USP25: variants seen among roughly 807,000 people sequenced by gnomAD.
USP25 encodes the protein ubiquitin carboxyl-terminal hydrolase 25.
In USP25, 85 loss-of-function variants were observed where a neutral mutation model predicts 158.5. That is an observed-to-expected ratio of 0.54 (90% CI 0.45 to 0.64). The LOEUF is 0.64. Among genes scored for constraint, USP25 ranks in the 30% least tolerant of loss-of-function variants. USP25 has a pLI of 0.00. For missense variants in USP25, 1,242 were observed against 1,327.3 expected, an observed-to-expected ratio of 0.94 and a Z score of 1.00; for synonymous variants, 464 against 460.4, an observed-to-expected ratio of 1.01 and a Z score of -0.10.
intron 18 of USP25, among the ~76,000 whole-genome samples, chr21:15,846,143 TATATA>T (rs1568882478): frequency 1.3e-4 from 8 of 62,892 alleles, no homozygotes; most frequent in African/African-American, 7.2e-4. Flanking sequence ...TATATATATA[TATATA>T]TATATATATA....
chr21:15,790,110 G>C (rs1216059977), intron 4 of USP25, among the ~76,000 whole-genome samples: 1 of 151,940 alleles, frequency 6.6e-6, no homozygotes, highest in Non-Finnish European at 1.5e-5. Context: ...ACAGTAGAAT[G>C]TTCTAGATAT....
At chr21:15,822,228 A>G (rs2146343196) in intron 10 of USP25, among the ~76,000 whole-genome samples, 1 of 152,092 alleles carries the variant, frequency 6.6e-6, no homozygotes, top group East Asian at 1.9e-4. Context: ...TAGACATACC[A>G]TTAATATTTT....
At chr21:15,862,357 G>C (rs973395206) in intron 20 of USP25, among the ~76,000 whole-genome samples, 1 of 151,970 alleles carries the variant, frequency 6.6e-6, no homozygotes, top group Non-Finnish European at 1.5e-5. Context: ...TGCTCAACCA[G>C]CATAATGCAA....
chr21:15,760,045 T>G (rs977847579), intron 1 of USP25, among the ~76,000 whole-genome samples: 1 of 152,242 alleles, frequency 6.6e-6, no homozygotes, highest in East Asian at 1.9e-4. Context: ...AATTCTTTGG[T>G]GGCATGGCAG....
chr21:15,769,902 G>C (rs2034253253), intron 3 of USP25, among the ~76,000 whole-genome samples: 2 of 152,014 alleles, frequency 1.3e-5, no homozygotes, highest in Non-Finnish European at 2.9e-5. Context: ...TCAAGTTTTA[G>C]AGAAATTGGT....
intron 5 of USP25, 115 bp downstream of exon 5, chr21:15,791,779 A>G: frequency 9.0e-7 from 1 of 1,108,320 alleles, no homozygotes; most frequent in East Asian, 2.8e-5. Context: ...TTTTTAATAT[A>G]CTATTTTGTC....
At chr21:15,758,128 A>C (rs541186309) in intron 1 of USP25, among the ~76,000 whole-genome samples, 1 of 152,336 alleles carries the variant, frequency 6.6e-6, no homozygotes, top group Non-Finnish European at 1.5e-5. Context: ...CTCTGGAATC[A>C]ATCTCTGGGG....
chr21:15,750,798 G>A (rs879850584), intron 1 of USP25, among the ~76,000 whole-genome samples: 1 of 151,684 alleles, frequency 6.6e-6, no homozygotes, highest in Admixed American at 6.6e-5. Context: ...AGTAGAGATG[G>A]GGTTTCACCG....
At chr21:15,758,038 ACT>A (rs1359990598) in intron 1 of USP25, among the ~76,000 whole-genome samples, 4 of 152,100 alleles carry the variant, frequency 2.6e-5, no homozygotes, top group African/African-American at 9.7e-5. Flanking sequence ...TGTAACTGAG[ACT>A]CTGCTTCTAA....
chr21:15,764,762 A>AT (rs1568774882), intron 2 of USP25, among the ~76,000 whole-genome samples: 2 of 152,110 alleles, frequency 1.3e-5, no homozygotes, highest in African/African-American at 4.8e-5. Context: ...TGTATCTTAC[A>AT]TTTTGGATGA....
intron 1 of USP25, among the ~76,000 whole-genome samples, chr21:15,751,602 A>G (rs1032400061): frequency 1.3e-5 from 2 of 152,220 alleles, no homozygotes; most frequent in African/African-American, 4.8e-5. Flanking sequence ...TATTTTATTT[A>G]AACTGCAGAC....
At chr21:15,818,917 G>T (rs181959413) in intron 10 of USP25, 71 bp downstream of exon 10, 2 of 1,490,998 alleles carry the variant, frequency 1.3e-6, no homozygotes, top group Non-Finnish European at 1.8e-6. Flanking sequence ...ACAATGTAAG[G>T]TTCTAATTAT....
At chr21:15,878,276 G>C (rs1017736504) in intron 25 of USP25, 27 bp from the exon 26 acceptor site, 6 of 1,594,048 alleles carry the variant, frequency 3.8e-6, no homozygotes, top group Middle Eastern at 1.7e-4. Context: ...TCTATCTTTA[G>C]TTAGATTTAA....
chr21:15,876,821 A>G (rs1410825758), intron 24 of USP25: 2 of 152,250 alleles, frequency 1.3e-5, no homozygotes, highest in Admixed American at 6.5e-5. Context: ...AATAAATTGC[A>G]TAAGAATTAT....
chr21:15,738,322 GCT>G (rs1568742841), intron 1 of USP25, among the ~76,000 whole-genome samples: 1 of 152,014 alleles, frequency 6.6e-6, no homozygotes, highest in African/African-American at 2.4e-5. Context: ...ATCATACCAA[GCT>G]CTCTCAAATC....
At chr21:15,775,254 T>A (rs191707565) in intron 3 of USP25, among the ~76,000 whole-genome samples, 1 of 152,364 alleles carries the variant, frequency 6.6e-6, no homozygotes, top group East Asian at 1.9e-4. Flanking sequence ...TTGCTATTTT[T>A]AAATTAGTTT....
Position 15,875,233 on chromosome 21 carries a change from A to G in USP25, c.3009+707A>G, listed in dbSNP as rs2040055034. On this transcript the variant is annotated intron_variant, in intron 24 of 25. Transcript: ENST00000400183. This position sits in a 1 kb window ranked among gnomAD's most constrained non-coding sequence, Gnocchi z 4.7. ...TAGAGTAATTTGTTTAACTTAAAAA[A>G]TTGAATTTTCAGGTACAAGAATAGT... Among the ~76,000 whole-genome samples, 1 of 152,194 alleles carries G rather than the reference A, an allele frequency of 6.6e-6. No homozygotes were observed. Among genetic ancestry groups the G allele is most frequent in the South Asian group, 2.1e-4 (1 of 4,832 alleles).
chr21:15,801,444 A>C (rs958043288), intron 6 of USP25, among the ~76,000 whole-genome samples: 1 of 151,520 alleles, frequency 6.6e-6, no homozygotes, highest in African/African-American at 2.4e-5. Context: ...TCTCACTTCC[A>C]TTCTGAGACA....
intron 1 of USP25, among the ~76,000 whole-genome samples, chr21:15,758,454 A>G (rs1237764054): frequency 1.3e-5 from 2 of 152,136 alleles, no homozygotes; most frequent in African/African-American, 4.8e-5. Flanking sequence ...ATGATTTTAT[A>G]AAGAGCAGTT....
Sources: allele counts gnomAD v4.1 joint callset (sites outside exome capture counted in the v4.1 genomes callset), GRCh38; gene constraint gnomAD v4.1.1; non-coding constraint Gnocchi (gnomAD v3.1); transcripts MANE v1.5; gene names NCBI Gene and HGNC (gene_info 2026-07-23, HGNC 2026-07-21).